Variants in FAM13B observed in about 807,000 individuals in gnomAD.
The protein encoded by FAM13B is protein FAM13B.
In FAM13B, 60 loss-of-function variants were observed where a neutral mutation model predicts 117.3. The ratio of observed to expected loss-of-function variants is 0.51; its 90% CI spans 0.42 to 0.63. FAM13B has a LOEUF of 0.63. FAM13B is among the 30% of genes least tolerant of loss of function. The pLI is 0.00. For missense variants in FAM13B, 972 were observed against 1,091.9 expected (o/e 0.89, Z 1.55); for synonymous variants, 332 against 356.1 (o/e 0.93, Z 0.76).
chr5:138,001,024 T>C (rs953093785), intron 7 of FAM13B, among the ~76,000 whole-genome samples: 1 of 152,156 alleles, frequency 6.6e-6, no homozygotes, highest in Non-Finnish European at 1.5e-5. Flanking sequence ...TCAGTTTTTA[T>C]TTCTAATATG....
chr5:137,985,230 C>G (rs1776887156), intron 10 of FAM13B, 27 bp downstream of exon 10: 1 of 1,608,350 alleles, frequency 6.2e-7, no homozygotes, highest in Non-Finnish European at 8.5e-7. Flanking sequence ...AGTTGTACAT[C>G]TAACACATAT....
At chr5:138,012,228 T>G (rs964607680) in intron 4 of FAM13B, among the ~76,000 whole-genome samples, 2 of 149,972 alleles carry the variant, frequency 1.3e-5, no homozygotes, top group Non-Finnish European at 3.0e-5. Context: ...TTTTTTTTTT[T>G]TTTTTTTTTT....
intron 1 of FAM13B, among the ~76,000 whole-genome samples, chr5:138,047,143 G>A (rs1044304146): frequency 2.6e-5 from 4 of 152,096 alleles, no homozygotes; most frequent in Non-Finnish European, 4.4e-5. Context: ...TAGTTGGGGG[G>A]CAGAACAAGC....
At position 138,011,163 on chromosome 5, in the gene FAM13B, T is replaced by C; in HGVS notation, c.549-14A>G. ...TCTGTGTAAATGCTAAGAATAGAAGTCCAAATTGAATTGAGAGTTCTTAAA... is the reference window on the plus strand; with the variant it reads ...TCTGTGTAAATGCTAAGAATAGAAGCCCAAATTGAATTGAGAGTTCTTAAA... On this transcript the variant is annotated splice_polypyrimidine_tract_variant and intron_variant, in intron 5 of 23. Transcript: ENST00000689681. The C allele has an allele frequency of 6.3e-7, 1 of 1,590,100 alleles. No individual in the cohort carries two copies. Among genetic ancestry groups the C allele is most frequent in the Non-Finnish European group, 8.5e-7 (1 of 1,174,310 alleles).
At position 138,019,065 on chromosome 5, in the gene FAM13B, A is replaced by G; in HGVS notation, c.47T>C (p.Leu16Pro). 6.2e-7 allele frequency: 1 copy of G among 1,614,152 alleles called. No individual in the cohort carries two copies. The highest frequency in any genetic ancestry group is 2.2e-5 in the East Asian group (1 of 44,870). Residue 16 changes from leucine (L) to proline (P), a missense_variant, in exon 3 of 24, where the codon CTT (leucine) becomes CCT (proline). Transcript: ENST00000689681. The part of the protein sequence containing the change: ...SPSLSNCNSV[L>P]ANKIFGIPLD... ...TGGAATTCCAAATATTTTGTTAGCA[A>G]GAACGGAGTTGCAGTTACTCAAGGA...
chr5:138,043,836 A>G (rs1024370040), intron 1 of FAM13B, among the ~76,000 whole-genome samples: 2 of 151,848 alleles, frequency 1.3e-5, no homozygotes, highest in African/African-American at 4.8e-5. Context: ...TCACCTTCCC[A>G]AAGTGCTGGG....
chr5:137,988,369 A>G, intron 7 of FAM13B, 54 bp from the exon 8 acceptor site: 1 of 1,431,124 alleles, frequency 7.0e-7, no homozygotes, highest in Non-Finnish European at 9.5e-7. Flanking sequence ...TAATAACTAC[A>G]AAATGTGCTG....
intron 1 of FAM13B, among the ~76,000 whole-genome samples, chr5:138,041,481 A>C (rs978113824): frequency 7.2e-5 from 11 of 152,238 alleles, no homozygotes; most frequent in African/African-American, 1.9e-4. Context: ...TAAACAGTAT[A>C]TATAACTTCC....
At chr5:137,995,077 G>A (rs561561164) in intron 7 of FAM13B, among the ~76,000 whole-genome samples, 1 of 152,236 alleles carries the variant, frequency 6.6e-6, no homozygotes, top group Admixed American at 6.5e-5. Flanking sequence ...AAAACATCAG[G>A]TAAAGACTTC....
At position 137,966,254 on chromosome 5, in the gene FAM13B, T is replaced by C. The variant is rs111974992; in HGVS notation, c.1180-3785A>G. ...GCGTTCAAGACCAGCCTGGCCAATA[T>C]GGCGAAACCTCGTCTCTACTAAAAA... On this transcript the variant is annotated intron_variant, in intron 10 of 23. Transcript: ENST00000689681. Among the ~76,000 whole-genome samples the C allele has an allele frequency of 2.6e-5, 4 of 151,570 alleles. No individual in the cohort carries two copies. The East Asian group carries it at 5.8e-4, about 22-fold the overall frequency.
At chr5:138,015,504 A>G (rs765977041) in intron 4 of FAM13B, among the ~76,000 whole-genome samples, 5 of 152,204 alleles carry the variant, frequency 3.3e-5, no homozygotes, top group Non-Finnish European at 7.3e-5. Flanking sequence ...GGAGTTCGAG[A>G]TCAGCCTGGC....
At chr5:137,995,047 T>C (rs546359745) in intron 7 of FAM13B, among the ~76,000 whole-genome samples, 1 of 152,334 alleles carries the variant, frequency 6.6e-6, no homozygotes, top group Admixed American at 6.5e-5. Flanking sequence ...CCATTCTGAA[T>C]ACCCTGGCAC....
chr5:137,985,145 A>G lies in FAM13B; in HGVS notation c.1179+112T>C, dbSNP rs1380344472. On this transcript the variant is annotated intron_variant, in intron 10 of 23. Transcript: ENST00000689681. ...CAATGTATATTCTTGGGGATTTATA[A>G]TTGAGACAATTAAGTGTATCAGCAA... 9.6e-6 allele frequency: 10 copies of G among 1,040,996 alleles called. No individual in the cohort carries two copies. In the Admixed American group the frequency reaches 2.3e-4, roughly 24 times the overall value. The allele number at this position is 1,040,996 out of a possible 1,614,324, so 64.5% of individuals were successfully genotyped here.
intron 10 of FAM13B, among the ~76,000 whole-genome samples, chr5:137,982,546 A>ACAG (rs149797051): frequency 1.4e-5 from 1 of 71,598 alleles, no homozygotes; most frequent in Non-Finnish European, 3.1e-5. Context: ...AACAACAACA[A>ACAG]CCTTCATTCC....
chr5:138,044,291 C>A (rs1791581229), intron 1 of FAM13B, among the ~76,000 whole-genome samples: 1 of 152,082 alleles, frequency 6.6e-6, no homozygotes, highest in Non-Finnish European at 1.5e-5. Flanking sequence ...GTGGCTCATG[C>A]CTCTATTCCC....
At chr5:138,036,983 A>C (rs1791229365), upstream of FAM13B, 1 of 237,064 alleles carries the variant, frequency 4.2e-6, no homozygotes, top group African/African-American at 2.3e-5. Flanking sequence ...TTTACGGCAC[A>C]GGACAGCCCC....
Position 137,959,704 on chromosome 5 carries a change from ACCT to A in FAM13B, c.1350_1352del (p.Gly451del). On this transcript the variant is annotated inframe_deletion, in exon 13 of 24. Transcript: ENST00000689681. ...CTTCCCCTTGAACACCAACACTCTG[ACCT>A]CCTGGTACTTCTGATTCAGTGTTGG... 1 of 1,613,872 alleles carries A rather than the reference ACCT, an allele frequency of 6.2e-7. No individual in the cohort carries two copies. Among genetic ancestry groups the A allele is most frequent in the Non-Finnish European group, 8.5e-7 (1 of 1,179,830 alleles).
chr5:137,972,930 T>C (rs1217706465), intron 10 of FAM13B, among the ~76,000 whole-genome samples: 1 of 151,414 alleles, frequency 6.6e-6, no homozygotes, highest in Non-Finnish European at 1.5e-5. Flanking sequence ...CAAGGAGAAC[T>C]ACAAACCACT....
rs75968874 is a variant in FAM13B at position 137,960,400 on chromosome 5, A to G, written c.1245-186T>C. Among the ~76,000 whole-genome samples the G allele has an allele frequency of 6.4e-3, 978 of 152,246 alleles. 16 individuals carry two copies. The highest frequency in any genetic ancestry group is 0.023 in the African/African-American group (948 of 41,566). ...TCTGAAAAATCACACAATACTGAAAAGATCCACAGAATCACTTCGGGTTTA... is the reference window on the plus strand; with the variant it reads ...TCTGAAAAATCACACAATACTGAAAGGATCCACAGAATCACTTCGGGTTTA... On this transcript the variant is annotated intron_variant, in intron 11 of 23. Coordinates refer to ENST00000689681, the MANE Select transcript of FAM13B (RefSeq NM_001385994.1).
Sources: gnomAD v4.1 joint callset for allele counts (sites outside exome capture counted in the v4.1 genomes callset) on GRCh38, gnomAD v4.1.1 for gene constraint, MANE v1.5 for transcripts, NCBI Gene and HGNC (gene_info 2026-07-23, HGNC 2026-07-21) for gene names.